Variants in PTPRT observed in about 807,000 individuals in gnomAD.
PTPRT encodes the protein receptor-type tyrosine-protein phosphatase T.
PTPRT carries 56 observed loss-of-function variants against 176.8 expected under a neutral mutation model. The ratio of observed to expected loss-of-function variants is 0.32; its 90% CI spans 0.26 to 0.40. The LOEUF (loss-of-function observed/expected upper bound fraction) is 0.40. PTPRT is among the 10% of genes least tolerant of loss of function. PTPRT has a pLI of 1.00. For synonymous variants in PTPRT, 783 were observed against 739.0 expected (o/e 1.06, Z -0.96); for missense variants, 1,540 against 1,908.2 (o/e 0.81, Z 3.60).
At chr20:42,801,958 C>T (rs1454537625) in intron 2 of PTPRT, among the ~76,000 whole-genome samples, 1 of 152,128 alleles carries the variant, frequency 6.6e-6, no homozygotes, top group Admixed American at 6.5e-5. Flanking sequence ...AGAGAGGTGC[C>T]CTGATTTGCC....
At chr20:43,062,476 G>T (rs1332213252) in intron 1 of PTPRT, among the ~76,000 whole-genome samples, 1 of 152,178 alleles carries the variant, frequency 6.6e-6, no homozygotes, top group Non-Finnish European at 1.5e-5. Flanking sequence ...ATAATAATGA[G>T]AAATAATAAT....
Position 42,397,645 on chromosome 20 carries a change from A to G in PTPRT, c.1561-45360T>C, listed in dbSNP as rs76797827. 6.5e-3 allele frequency among the ~76,000 whole-genome samples: 990 copies of G among 152,298 alleles called. 15 individuals are homozygous for G. The highest frequency in any genetic ancestry group is 0.023 in the African/African-American group (940 of 41,570). Reference sequence around the variant, plus strand: ...TTCATTTCTTTTTCGGGTCTGCATAATATTCCAGGGTGTATATGTAACACA... The same window carrying G: ...TTCATTTCTTTTTCGGGTCTGCATAGTATTCCAGGGTGTATATGTAACACA... On this transcript the variant is annotated intron_variant, in intron 9 of 30. Transcript: ENST00000373187.
At chr20:42,581,544 A>G (rs963254532) in intron 7 of PTPRT, among the ~76,000 whole-genome samples, 1 of 151,822 alleles carries the variant, frequency 6.6e-6, no homozygotes, top group African/African-American at 2.4e-5. Context: ...AAAAAAAAAA[A>G]AAGGCTTAAA....
chr20:43,033,273 T>C (rs897378465), intron 1 of PTPRT, among the ~76,000 whole-genome samples: 1 of 152,184 alleles, frequency 6.6e-6, no homozygotes, highest in Non-Finnish European at 1.5e-5. Context: ...GTCTCTCTCC[T>C]GATGGTCTCA....
chr20:42,657,592 A>G (rs1175421096), intron 7 of PTPRT, among the ~76,000 whole-genome samples: 2 of 152,162 alleles, frequency 1.3e-5, no homozygotes, highest in Admixed American at 6.5e-5. Context: ...CTGTGCTTCA[A>G]TGAAAAACTG....
intron 18 of PTPRT, among the ~76,000 whole-genome samples, chr20:42,133,797 G>A (rs1988247368): frequency 6.6e-6 from 1 of 152,190 alleles, no homozygotes; most frequent in Admixed American, 6.5e-5. Flanking sequence ...GGAGTACATG[G>A]GAATGAGGTA....
At chr20:42,354,279 CT>C (rs1271661865) in intron 9 of PTPRT, among the ~76,000 whole-genome samples, 2 of 152,172 alleles carry the variant, frequency 1.3e-5, no homozygotes, top group African/African-American at 4.8e-5. Flanking sequence ...AGTTTTTGCA[CT>C]GTGTATCAGT....
At chr20:42,463,393 T>C (rs1601072469) in intron 8 of PTPRT, among the ~76,000 whole-genome samples, 1 of 152,210 alleles carries the variant, frequency 6.6e-6, no homozygotes, top group Non-Finnish European at 1.5e-5. Context: ...TTAATTACTT[T>C]ATAATTTCAT....
At chr20:42,136,803 A>C (rs933767415) in intron 18 of PTPRT, among the ~76,000 whole-genome samples, 1 of 152,244 alleles carries the variant, frequency 6.6e-6, no homozygotes, top group Non-Finnish European at 1.5e-5. Flanking sequence ...AGGAAACACC[A>C]GCAGGGGAGT....
chr20:43,148,624 T>C (rs2014245679), intron 1 of PTPRT, among the ~76,000 whole-genome samples: 1 of 152,180 alleles, frequency 6.6e-6, no homozygotes, highest in Non-Finnish European at 1.5e-5. Flanking sequence ...GAAGAGGTGT[T>C]CCCATCCAGT....
intron 9 of PTPRT, among the ~76,000 whole-genome samples, chr20:42,401,960 GGTGGAC>G (rs2058912718): frequency 6.6e-6 from 1 of 152,188 alleles, no homozygotes; most frequent in Non-Finnish European, 1.5e-5. Context: ...GGTCACAGCT[GGTGGAC>G]ATCTGTCCTG....
chr20:42,777,951 T>C (rs530968138), intron 4 of PTPRT, among the ~76,000 whole-genome samples: 6 of 152,250 alleles, frequency 3.9e-5, no homozygotes, highest in Admixed American at 3.3e-4. Flanking sequence ...AACACTGAGG[T>C]TGAACCCAAC....
intron 1 of PTPRT, among the ~76,000 whole-genome samples, chr20:43,147,493 GC>G (rs2014205815): frequency 6.6e-6 from 1 of 152,130 alleles, no homozygotes; most frequent in Admixed American, 6.5e-5. Flanking sequence ...AGAGATGGAA[GC>G]CCCTGTGCCC....
rs577603696 is a variant in PTPRT, at chr20:42,453,710, A to G, written c.1451-5381T>C. On this transcript the variant is annotated intron_variant, in intron 8 of 30. Transcript: ENST00000373187. Reference sequence around the variant, plus strand: ...TTTAAGACAGAGTTTCACTCTTGTCACCCAGACTGGAGGGCAACAGCGTGA... The same window carrying G: ...TTTAAGACAGAGTTTCACTCTTGTCGCCCAGACTGGAGGGCAACAGCGTGA... 2.4e-3 allele frequency among the ~76,000 whole-genome samples: 348 copies of G among 142,422 alleles called. 2 individuals carry two copies. Among genetic ancestry groups the G allele is most frequent in the African/African-American group, 8.3e-3 (312 of 37,790 alleles). The allele number at this position is 142,422 out of a possible 152,430, so 93.4% of individuals were successfully genotyped here. A position where few individuals can be genotyped will look rare whatever the true frequency, so the allele number is the denominator to read the frequency against.
chr20:42,365,195 T>C (rs1018285511), intron 9 of PTPRT, among the ~76,000 whole-genome samples: 1 of 152,236 alleles, frequency 6.6e-6, no homozygotes, highest in Non-Finnish European at 1.5e-5. Flanking sequence ...TCGAAACCTG[T>C]TGTGTATTTT....
intron 11 of PTPRT, among the ~76,000 whole-genome samples, chr20:42,321,623 T>A (rs2057799130): frequency 6.6e-6 from 1 of 152,168 alleles, no homozygotes. Flanking sequence ...CTTCCACAGC[T>A]TTTATCATAA....
intron 7 of PTPRT, among the ~76,000 whole-genome samples, chr20:42,539,485 T>A (rs2145573056): frequency 6.6e-6 from 1 of 151,962 alleles, no homozygotes; most frequent in Non-Finnish European, 1.5e-5. Flanking sequence ...TCCTTAATTG[T>A]GATCTAATCT....
At chr20:42,306,656 C>T (rs1296655421) in intron 12 of PTPRT, among the ~76,000 whole-genome samples, 1 of 152,170 alleles carries the variant, frequency 6.6e-6, no homozygotes, top group Non-Finnish European at 1.5e-5. Context: ...CTCTGGGTCA[C>T]AGCTCTCTGT....
intron 2 of PTPRT, among the ~76,000 whole-genome samples, chr20:42,852,606 A>AT (rs1348201386): frequency 5.9e-5 from 9 of 151,860 alleles, no homozygotes; most frequent in Non-Finnish European, 8.8e-5. Context: ...GAGCCAGAGT[A>AT]TTTTTTCTTT....
Sources: gnomAD v4.1 joint callset for allele counts (sites outside exome capture counted in the v4.1 genomes callset) on GRCh38, gnomAD v4.1.1 for gene constraint, MANE v1.5 for transcripts, NCBI Gene and HGNC (gene_info 2026-07-23, HGNC 2026-07-21) for gene names.